The following SPEG variants were observed in gnomAD, a reference collection of about 807,000 sequenced individuals.
SPEG encodes striated muscle enriched protein kinase.
A neutral mutation model predicts 300.4 loss-of-function variants in SPEG; 114 were observed. That is an observed-to-expected ratio of 0.38 (90% CI 0.33 to 0.44). The LOEUF (loss-of-function observed/expected upper bound fraction) is 0.44, where lower values mean the gene tolerates loss of function less well. Among genes scored for constraint, SPEG ranks in the 20% least tolerant of loss-of-function variants. SPEG has a pLI of 1.00. For missense variants in SPEG, 4,201 were observed against 4,586.2 expected (o/e 0.92, Z 2.43); for synonymous variants, 1,964 against 2,018.9 (o/e 0.97, Z 0.73).
At chr2:219,461,086 G>T in intron 6 of SPEG, 1 of 914,398 alleles carries the variant, frequency 1.1e-6, no homozygotes, top group Non-Finnish European at 1.3e-6. Flanking sequence ...GTCTGTATTT[G>T]GCAGTCGGAT....
chr2:219,449,259 T>C lies in SPEG; in HGVS notation c.2101T>C (p.Ser701Pro). Reference sequence around the variant, plus strand: ...CAAAGGTCGCCGGGCCCGGCCCACCTCCCCTGAGCTCGGTAAGGCCTCAGG... The same window carrying C: ...CAAAGGTCGCCGGGCCCGGCCCACCCCCCCTGAGCTCGGTAAGGCCTCAGG... ...QGKGRRARPT[S>P]PELESSDDSY... Residue 701 changes from serine (S) to proline (P), a missense_variant, in exon 4 of 41, where the codon TCC (serine) becomes CCC (proline). Physicochemically the swap from Ser to Pro is moderately conservative, Grantham distance 74. Transcript: ENST00000312358. The C allele has an allele frequency of 7.2e-7, 1 of 1,385,914 alleles. No homozygotes were observed. Among genetic ancestry groups the C allele is most frequent in the South Asian group, 1.7e-5 (1 of 59,022 alleles). 85.9% of individuals were successfully genotyped at this position (1,385,914 alleles called of 1,614,324 possible).
In SPEG at chr2:219,445,014, G is replaced by A. The variant is rs1208402120; in HGVS notation, c.668G>A (p.Arg223Gln). Residue 223 changes from arginine to glutamine, a missense_variant, in exon 3 of 41, where the codon CGG (arginine) becomes CAG (glutamine). Physicochemically the swap from Arg to Gln is conservative, Grantham distance 43. Around this residue, in one of 4 missense-constraint regions of SPEG, gnomAD observed 1,258 missense variants for 1,293.9 expected, o/e 0.97. Transcript: ENST00000312358. This position sits in a 1 kb window ranked among gnomAD's most constrained non-coding sequence, Gnocchi z 6.1. ...RQAQATGAGPRHLGVEPLVRA... is the reference protein window; with the variant it reads ...RQAQATGAGPQHLGVEPLVRA... ...GCACAGGCAACCGGGGCCGGGCCAC[G>A]GCACCTGGGGGTGGAGCCGCTGGTG... 5 of 1,609,838 alleles carry A rather than the reference G, an allele frequency of 3.1e-6. No homozygotes were observed. Among genetic ancestry groups the A allele is most frequent in the Admixed American group, 1.7e-5 (1 of 59,554 alleles).
In SPEG at chr2:219,466,735, G is replaced by C. The variant is rs1385834980; in HGVS notation, c.2882-439G>C. On this transcript the variant is annotated intron_variant, in intron 9 of 40. Coordinates refer to ENST00000312358, the MANE Select transcript of SPEG (RefSeq NM_005876.5). ...CCTCCTTCTCTGTCAGGGCTGGGGT[G>C]CTCTGTCTGGGAATGAGGGAGTTAA... is the stretch of plus-strand genomic sequence containing the variant. 4 of 1,003,698 alleles carry C rather than the reference G, an allele frequency of 4.0e-6. No individual in the cohort carries two copies. The South Asian group carries it at 1.8e-4, about 46-fold the overall frequency. 62.2% of individuals were successfully genotyped at this position (1,003,698 alleles called of 1,614,324 possible).
chr2:219,455,636 C>G (rs1217601601), intron 6 of SPEG, among the ~76,000 whole-genome samples: 2 of 152,190 alleles, frequency 1.3e-5, no homozygotes, highest in Admixed American at 6.5e-5. Flanking sequence ...TCCCACCCCC[C>G]TTTCCTGTTG....
Position 219,483,164 on chromosome 2 carries a change from C to A in SPEG, c.5701C>A (p.Pro1901Thr), listed in dbSNP as rs1465600654. 6.2e-7 allele frequency: 1 copy of A among 1,609,772 alleles called. No individual in the cohort carries two copies. Among genetic ancestry groups the A allele is most frequent in the Non-Finnish European group, 8.5e-7 (1 of 1,179,376 alleles). Residue 1901 changes from proline to threonine, a missense_variant, in exon 30 of 41, where the codon CCA becomes ACA. Transcript: ENST00000312358. ...RPIPELLRAP[P>T]ERVWVTMPRR... ...CATCCCCGAGCTGCTGCGGGCCCCC[C>A]CAGAGCGGGTGTGGGTGACCATGCC...
Position 219,481,461 on chromosome 2 carries a change from G to A in SPEG, c.5522+5G>A, listed in dbSNP as rs1431407426. 6.2e-7 allele frequency: 1 copy of A among 1,613,902 alleles called. No individual in the cohort carries two copies. Among genetic ancestry groups the A allele is most frequent in the Non-Finnish European group, 8.5e-7 (1 of 1,179,858 alleles). On this transcript the variant is annotated splice_donor_5th_base_variant and intron_variant, in intron 27 of 40. Transcript: ENST00000312358. The surrounding 1 kb of genome is among the most constrained non-coding windows in gnomAD (Gnocchi z 5.4). ...AGTGTTGGTGCAGGACCGGCTGTGA[G>A]TACAAGGCCCTGGGAGCCCCCACCT...
At chr2:219,461,193 C>A in intron 6 of SPEG, 1 of 985,702 alleles carries the variant, frequency 1.0e-6, no homozygotes, top group Non-Finnish European at 1.2e-6. Flanking sequence ...TCTGGTGCCC[C>A]CCTCCTCTTC....
chr2:219,474,071 A>G (rs1692130200), intron 18 of SPEG, 168 bp downstream of exon 18: 1 of 681,492 alleles, frequency 1.5e-6, no homozygotes, highest in Non-Finnish European at 2.4e-6. Flanking sequence ...TAATAATGAC[A>G]ACAATCATAC....
chr2:219,465,918 TGTGTGCGC>T, intron 9 of SPEG: 2 of 707,320 alleles, frequency 2.8e-6, no homozygotes, highest in South Asian at 1.7e-5. Flanking sequence ...CATGCGTGTG[TGTGTGCGC>T]GCGTGTGCGT....
At position 219,484,334 on chromosome 2, in the gene SPEG, G is replaced by A. The variant is rs1174480719; in HGVS notation, c.6871G>A (p.Glu2291Lys). The part of the protein sequence containing the change: ...RVASPPPGAP[E>K]KRVPSAGGPP... Reference sequence around the variant, plus strand: ...GGCCTCCCCACCTCCGGGAGCCCCCGAGAAGCGCGTGCCCTCAGCCGGGGG... The same window carrying A: ...GGCCTCCCCACCTCCGGGAGCCCCCAAGAAGCGCGTGCCCTCAGCCGGGGG... The change falls in exon 30 of 41, where the codon GAG becomes AAG. Residue 2291 changes from glutamate to lysine, a missense_variant. Physicochemically the swap from Glu to Lys is moderately conservative, Grantham distance 56. Around this residue, in one of 4 missense-constraint regions of SPEG, gnomAD observed 1,578 missense variants for 1,506.0 expected, o/e 1.05. Coordinates refer to ENST00000312358, the MANE Select transcript of SPEG (RefSeq NM_005876.5). The A allele has an allele frequency of 4.4e-6, 7 of 1,604,132 alleles. No individual in the cohort carries two copies. The highest frequency in any genetic ancestry group is 5.9e-6 in the Non-Finnish European group (7 of 1,178,524).
chr2:219,460,658 C>T (rs1415961613), intron 6 of SPEG: 13 of 985,506 alleles, frequency 1.3e-5, no homozygotes, highest in South Asian at 4.7e-5. Context: ...GGCCGCGCTC[C>T]GCCCTCCCTC....
intron 6 of SPEG, among the ~76,000 whole-genome samples, chr2:219,456,878 C>T (rs1022536256): frequency 1.4e-4 from 10 of 73,562 alleles, no homozygotes; most frequent in East Asian, 5.8e-4. Context: ...CATTGCACTC[C>T]GGCCTGGGCG....
At chr2:219,478,862 T>C (rs866770435) in intron 22 of SPEG, among the ~76,000 whole-genome samples, 40 of 152,192 alleles carry the variant, frequency 2.6e-4, no homozygotes, top group Middle Eastern at 3.2e-3. Flanking sequence ...GGAAATGTTA[T>C]TCCCATATTA....
rs780656895 is a variant in SPEG, at chr2:219,484,112, G to A, written c.6649G>A (p.Glu2217Lys). The change falls in exon 30 of 41, where the codon GAG (glutamate) becomes AAG (lysine). Residue 2217 changes from glutamate to lysine, a missense_variant. Transcript: ENST00000312358. ...APQPAQDKAP[E>K]PRPEPVRASK... is the part of the protein sequence containing the mutation. ...CCAGCCTGCCCAAGACAAGGCTCCA[G>A]AGCCCAGGCCAGAACCAGTCCGAGC... The A allele has an allele frequency of 1.1e-5, 17 of 1,613,336 alleles. No homozygotes were observed. Among genetic ancestry groups the A allele is most frequent in the Admixed American group, 5.0e-5 (3 of 59,998 alleles).
rs937804819 is a variant in SPEG at position 219,479,071 on chromosome 2, G to A, written c.5028-73G>A. The A allele has an allele frequency of 3.6e-6, 5 of 1,382,898 alleles. No homozygotes were observed. The highest frequency in any genetic ancestry group is 5.1e-6 in the Non-Finnish European group (5 of 976,936). 85.7% of individuals were successfully genotyped at this position (1,382,898 alleles called of 1,614,324 possible). The stretch of plus-strand genomic sequence containing the variant: ...GGGAAGGAGAACCCCGTGCTGAGCT[G>A]GGACCTGCCCTGAGCGCTGGGCTGG... On this transcript the variant is annotated intron_variant, in intron 22 of 40. Transcript: ENST00000312358. This position sits in a 1 kb window ranked among gnomAD's most constrained non-coding sequence, Gnocchi z 5.5.
At chr2:219,452,838 G>T (rs1034272353) in intron 6 of SPEG, among the ~76,000 whole-genome samples, 25 of 152,264 alleles carry the variant, frequency 1.6e-4, no homozygotes, top group African/African-American at 5.5e-4. Context: ...GAGCCTGTGT[G>T]CCCATCCCAG....
chr2:219,441,925 G>A, intron 1 of SPEG: 1 of 238,186 alleles, frequency 4.2e-6, no homozygotes, highest in Non-Finnish European at 7.9e-6. Flanking sequence ...GAGGCCCCAG[G>A]CTCCTTCCGC....
At chr2:219,465,695 G>A (rs571983152) in intron 9 of SPEG, 8 of 321,650 alleles carry the variant, frequency 2.5e-5, no homozygotes, top group Non-Finnish European at 4.6e-5. Flanking sequence ...GCCGGCCCTC[G>A]CAGCCCAGAG....
At chr2:219,470,976 G>A (rs1691824236) in intron 13 of SPEG, among the ~76,000 whole-genome samples, 1 of 130,032 alleles carries the variant, frequency 7.7e-6, no homozygotes, top group African/African-American at 3.1e-5. Flanking sequence ...TGGGTCTGGT[G>A]GGACAAGCAG....
Sources: allele counts gnomAD v4.1 joint callset (sites outside exome capture counted in the v4.1 genomes callset), GRCh38; gene constraint gnomAD v4.1.1; regional missense constraint gnomAD v4.1.1; non-coding constraint Gnocchi (gnomAD v3.1); transcripts MANE v1.5; gene names NCBI Gene and HGNC (gene_info 2026-07-23, HGNC 2026-07-21).